Variants in DGKB observed in about 807,000 individuals in gnomAD.
DGKB encodes 90 kDa diacylglycerol kinase.
DGKB carries 67 observed loss-of-function variants against 114.3 expected under a neutral mutation model. That is an observed-to-expected ratio of 0.59 (90% confidence interval 0.48 to 0.72). The LOEUF (loss-of-function observed/expected upper bound fraction) is 0.72, where lower values mean the gene tolerates loss of function less well. Ranked by LOEUF, DGKB falls within the 30% of genes least tolerant of loss-of-function variation. DGKB has a pLI of 0.00. For synonymous variants in DGKB, 398 were observed against 323.1 expected (o/e 1.23, Z -2.49); for missense variants, 907 against 975.2 (o/e 0.93, Z 0.93).
chr7:14,631,571 G>A (rs1809720475), intron 13 of DGKB, among the ~76,000 whole-genome samples: 1 of 151,990 alleles, frequency 6.6e-6, no homozygotes, highest in Non-Finnish European at 1.5e-5. Context: ...AGAATCTAAT[G>A]GAAGTAATTA....
chr7:14,584,871 G>A (rs1404792724), intron 17 of DGKB, among the ~76,000 whole-genome samples: 2 of 151,972 alleles, frequency 1.3e-5, no homozygotes, highest in Non-Finnish European at 2.9e-5. Context: ...TGTTGGCCAG[G>A]CTGGTCTCAT....
intron 25 of DGKB, among the ~76,000 whole-genome samples, chr7:14,169,559 G>T (rs1340939673): frequency 6.6e-6 from 1 of 152,046 alleles, no homozygotes; most frequent in South Asian, 2.1e-4. Flanking sequence ...TTCCTATGAG[G>T]CATAGCAGTC....
At chr7:14,375,796 C>T (rs892700533) in intron 21 of DGKB, among the ~76,000 whole-genome samples, 10 of 152,182 alleles carry the variant, frequency 6.6e-5, no homozygotes, top group Non-Finnish European at 1.0e-4. Flanking sequence ...GGAAGTTCTT[C>T]GAGGGCAGTG....
chr7:14,846,532 T>C (rs1586882090), intron 1 of DGKB, among the ~76,000 whole-genome samples: 1 of 152,238 alleles, frequency 6.6e-6, no homozygotes, highest in Non-Finnish European at 1.5e-5. Flanking sequence ...CACATTCTTA[T>C]AGTCCCCGCC....
chr7:14,915,121 T>C (rs1386434942), intron 1 of DGKB, among the ~76,000 whole-genome samples: 2 of 152,042 alleles, frequency 1.3e-5, no homozygotes, highest in Non-Finnish European at 2.9e-5. Flanking sequence ...GATTCCACAA[T>C]TTGGGGAGGC....
At chr7:14,420,369 G>C (rs529621703) in intron 21 of DGKB, among the ~76,000 whole-genome samples, 1 of 151,934 alleles carries the variant, frequency 6.6e-6, no homozygotes, top group African/African-American at 2.4e-5. Flanking sequence ...ATCTGCAAGA[G>C]GGTTTTCAGA....
At chr7:14,817,494 CG>C (rs1244415887) in intron 2 of DGKB, among the ~76,000 whole-genome samples, 2 of 151,802 alleles carry the variant, frequency 1.3e-5, no homozygotes, top group Non-Finnish European at 2.9e-5. Flanking sequence ...GTATTGATGA[CG>C]ATAAAAACAA....
At chr7:14,967,652 TAAAAAAA>T (rs35965873) in intron 1 of DGKB, among the ~76,000 whole-genome samples, 16 of 101,026 alleles carry the variant, frequency 1.6e-4, no homozygotes, top group East Asian at 8.3e-4. Context: ...TGTGATTTAT[TAAAAAAA>T]AAAAAAAAAA....
At chr7:14,457,802 T>C (rs996458409) in intron 21 of DGKB, among the ~76,000 whole-genome samples, 3 of 152,334 alleles carry the variant, frequency 2.0e-5, no homozygotes, top group African/African-American at 4.8e-5. Context: ...GACTCTCAAG[T>C]ATGCCGGCTG....
At chr7:14,745,770 A>G (rs538907794) in intron 4 of DGKB, among the ~76,000 whole-genome samples, 1 of 143,130 alleles carries the variant, frequency 7.0e-6, no homozygotes, top group South Asian at 2.4e-4. Context: ...CCTTTCACTT[A>G]ATAAATTCTG....
At chr7:14,613,277 A>G (rs1805899311) in intron 16 of DGKB, 63 bp downstream of exon 16, 1 of 947,478 alleles carries the variant, frequency 1.1e-6, no homozygotes, top group Non-Finnish European at 1.6e-6. Context: ...TTTTTACATC[A>G]TAGTTTTGTC....
chr7:14,334,806 C>T (rs1562957955), intron 23 of DGKB, among the ~76,000 whole-genome samples: 1 of 152,078 alleles, frequency 6.6e-6, no homozygotes, highest in Non-Finnish European at 1.5e-5. Flanking sequence ...AAAAGATGAA[C>T]TCAGCTACTG....
intron 20 of DGKB, among the ~76,000 whole-genome samples, chr7:14,542,300 C>T (rs1308573431): frequency 6.6e-6 from 1 of 152,078 alleles, no homozygotes; most frequent in African/African-American, 2.4e-5. Flanking sequence ...CTGGTGCAAG[C>T]CAGGTGCTCC....
At chr7:14,474,443 G>GA (rs1781868701) in intron 21 of DGKB, among the ~76,000 whole-genome samples, 1 of 152,146 alleles carries the variant, frequency 6.6e-6, no homozygotes, top group Non-Finnish European at 1.5e-5. Context: ...TCAGCAGCGT[G>GA]AAAACAGAGT....
At chr7:14,835,858 C>T (rs1364329569) in intron 2 of DGKB, among the ~76,000 whole-genome samples, 2 of 152,152 alleles carry the variant, frequency 1.3e-5, no homozygotes, top group Non-Finnish European at 2.9e-5. Flanking sequence ...ACTTATTGTG[C>T]CACAGTTCTG....
At chr7:14,945,984 A>C (rs2128257341) in intron 1 of DGKB, among the ~76,000 whole-genome samples, 1 of 151,746 alleles carries the variant, frequency 6.6e-6, no homozygotes, top group Non-Finnish European at 1.5e-5. Flanking sequence ...TATTACTGAG[A>C]TGCTGCGTAA....
chr7:14,521,785 G>T (rs893152668), intron 20 of DGKB, among the ~76,000 whole-genome samples: 2 of 152,020 alleles, frequency 1.3e-5, no homozygotes, highest in Admixed American at 6.6e-5. Context: ...GACTGCTTTT[G>T]TTCCTCAGTA....
chr7:14,882,856 T>G (rs2128215838), intron 1 of DGKB, among the ~76,000 whole-genome samples: 1 of 152,124 alleles, frequency 6.6e-6, no homozygotes, highest in South Asian at 2.1e-4. Context: ...TACCCTATCT[T>G]ATCTGCTTAT....
chr7:14,238,821 T>G (rs1442405543), intron 23 of DGKB, among the ~76,000 whole-genome samples: 1 of 152,088 alleles, frequency 6.6e-6, no homozygotes, highest in South Asian at 2.1e-4. Flanking sequence ...TAGATGCTTA[T>G]TGAAATATCA....
Sources: allele counts gnomAD v4.1 joint callset (sites outside exome capture counted in the v4.1 genomes callset), GRCh38; gene constraint gnomAD v4.1.1; transcripts MANE v1.5; gene names NCBI Gene and HGNC (gene_info 2026-07-23, HGNC 2026-07-21).